The following ADCY2 variants were observed in gnomAD, a reference collection of about 807,000 sequenced individuals.
ADCY2 encodes the protein adenylate cyclase 2.
ADCY2 carries 31 observed loss-of-function variants against 125.2 expected under a neutral mutation model. The observed-to-expected ratio is 0.25, with a 90% CI of 0.19 to 0.33. The LOEUF (loss-of-function observed/expected upper bound fraction) is 0.33, where lower values mean the gene tolerates loss of function less well. ADCY2 is among the 10% of genes least tolerant of loss of function. ADCY2 has a pLI of 1.00. For missense variants in ADCY2, 904 were observed against 1,418.2 expected, an observed-to-expected ratio of 0.64 and a Z score of 5.82; for synonymous variants, 512 against 548.4, an observed-to-expected ratio of 0.93 and a Z score of 0.93.
chr5:7,545,579 G>C (rs75903323), intron 3 of ADCY2, among the ~76,000 whole-genome samples: 260 of 152,134 alleles, frequency 1.7e-3, no homozygotes, highest in Non-Finnish European at 2.8e-3. Context: ...ATCTGCCCCC[G>C]CCCCAAAGTC....
At chr5:7,503,154 G>A (rs895659180) in intron 2 of ADCY2, among the ~76,000 whole-genome samples, 1 of 152,190 alleles carries the variant, frequency 6.6e-6, no homozygotes, top group Non-Finnish European at 1.5e-5. Context: ...ATGAAGAAAT[G>A]AAATGACGTC....
At chr5:7,482,147 T>A (rs922473579) in intron 2 of ADCY2, among the ~76,000 whole-genome samples, 1 of 152,216 alleles carries the variant, frequency 6.6e-6, no homozygotes, top group African/African-American at 2.4e-5. Context: ...TGGCATCTCA[T>A]TGTGGTTTTG....
intron 2 of ADCY2, among the ~76,000 whole-genome samples, chr5:7,477,294 T>G (rs1742562009): frequency 6.6e-6 from 1 of 152,202 alleles, no homozygotes; most frequent in South Asian, 2.1e-4. Flanking sequence ...CTATTTAATA[T>G]CCTTAATTCT....
intron 10 of ADCY2, among the ~76,000 whole-genome samples, chr5:7,711,521 G>T (rs1741440577): frequency 2.0e-5 from 3 of 152,114 alleles, no homozygotes; most frequent in Admixed American, 2.0e-4. Context: ...TGGGGAAAAG[G>T]CTTACTTTTC....
chr5:7,700,467 C>T (rs1741041322), intron 7 of ADCY2, among the ~76,000 whole-genome samples: 1 of 148,344 alleles, frequency 6.7e-6, no homozygotes, highest in Non-Finnish European at 1.5e-5. Context: ...TTTTGATTGT[C>T]CATTTTGGTA....
chr5:7,475,612 C>T (rs1303900764), intron 2 of ADCY2, among the ~76,000 whole-genome samples: 1 of 152,166 alleles, frequency 6.6e-6, no homozygotes, highest in Non-Finnish European at 1.5e-5. Context: ...GAACCCCTGA[C>T]TTCTGGCGAT....
chr5:7,747,058 C>T (rs889468564), intron 15 of ADCY2, among the ~76,000 whole-genome samples: 3 of 152,170 alleles, frequency 2.0e-5, no homozygotes, highest in African/African-American at 7.2e-5. Flanking sequence ...TTCTCAAACA[C>T]ATGGCAGGCA....
intron 3 of ADCY2, among the ~76,000 whole-genome samples, chr5:7,565,981 A>G (rs887364415): frequency 6.6e-6 from 1 of 152,220 alleles, no homozygotes; most frequent in Admixed American, 6.5e-5. Context: ...TCCAAATGAA[A>G]GAAAAAGTAT....
At chr5:7,397,543 TATATTTATATGTGTCC>T (rs1295688740) in intron 1 of ADCY2, among the ~76,000 whole-genome samples, 1 of 148,528 alleles carries the variant, frequency 6.7e-6, no homozygotes, top group East Asian at 2.1e-4. Context: ...AATATGTGCC[TATATTTATATGTGTCC>T]ACCACCAAAG....
chr5:7,741,759 T>TCTCA (rs1560931465), intron 14 of ADCY2, among the ~76,000 whole-genome samples: 2 of 27,966 alleles, frequency 7.2e-5, no homozygotes, highest in Admixed American at 4.4e-4. Flanking sequence ...TCACCATCCC[T>TCTCA]ATCACTGTCA....
At chr5:7,648,377 G>T (rs1441752586) in intron 4 of ADCY2, among the ~76,000 whole-genome samples, 6 of 152,146 alleles carry the variant, frequency 3.9e-5, no homozygotes, top group African/African-American at 7.2e-5. Context: ...AGTTTCTTAA[G>T]TGAAACTTCT....
At chr5:7,727,409 G>T (rs1332018422) in intron 14 of ADCY2, 148 bp downstream of exon 14, 4 of 631,674 alleles carry the variant, frequency 6.3e-6, no homozygotes, top group Non-Finnish European at 1.1e-5. Flanking sequence ...CAGGACCTCG[G>T]AGGTTAAGTG....
At chr5:7,472,308 T>G (rs1742370293) in intron 2 of ADCY2, among the ~76,000 whole-genome samples, 1 of 152,180 alleles carries the variant, frequency 6.6e-6, no homozygotes, top group South Asian at 2.1e-4. Context: ...AATTCACTTG[T>G]GAATCTATCA....
At chr5:7,717,302 G>C in intron 12 of ADCY2, 65 bp downstream of exon 12, 1 of 1,202,678 alleles carries the variant, frequency 8.3e-7, no homozygotes, top group Non-Finnish European at 1.2e-6. Flanking sequence ...ATTTTATCAT[G>C]GGCTCTGCAA....
intron 2 of ADCY2, among the ~76,000 whole-genome samples, chr5:7,417,188 T>A (rs1739985837): frequency 6.6e-6 from 1 of 152,186 alleles, no homozygotes; most frequent in African/African-American, 2.4e-5. Flanking sequence ...GACTCTTTTT[T>A]TTCTTCATAA....
intron 22 of ADCY2, among the ~76,000 whole-genome samples, chr5:7,808,383 A>G (rs920173288): frequency 6.6e-6 from 1 of 152,166 alleles, no homozygotes; most frequent in Non-Finnish European, 1.5e-5. Context: ...CACCTCCCAG[A>G]CAGTGTTTAG....
At chr5:7,397,457 T>TTA (rs1554005040) in intron 1 of ADCY2, among the ~76,000 whole-genome samples, 1 of 145,904 alleles carries the variant, frequency 6.9e-6, no homozygotes, top group African/African-American at 2.6e-5. Flanking sequence ...TTTTTTTTTT[T>TTA]TTTTTTTTTT....
Position 7,820,701 on chromosome 5 carries a change from T to C in ADCY2, c.3123+12T>C, listed in dbSNP as rs1235914659. On this transcript the variant is annotated intron_variant, in intron 24 of 24. Transcript: ENST00000338316. The stretch of plus-strand genomic sequence containing the variant: ...TGGACAAAATACAGGTAATGCAGAG[T>C]GTGGTCTGCGCTGCCTGCATCAACC... 3 of 1,612,106 alleles carry C rather than the reference T, an allele frequency of 1.9e-6. No individual in the cohort carries two copies. The highest frequency in any genetic ancestry group is 1.1e-5 in the South Asian group (1 of 90,952).
chr5:7,686,444 G>A (rs936992622), intron 4 of ADCY2, among the ~76,000 whole-genome samples: 13 of 152,146 alleles, frequency 8.5e-5, no homozygotes, highest in African/African-American at 2.7e-4. Context: ...TTAACAAAGG[G>A]ATGTGTTAAA....
Sources: allele counts gnomAD v4.1 joint callset (sites outside exome capture counted in the v4.1 genomes callset), GRCh38; gene constraint gnomAD v4.1.1; transcripts MANE v1.5; gene names NCBI Gene and HGNC (gene_info 2026-07-23, HGNC 2026-07-21).